Variants in SH3PXD2A observed in about 807,000 individuals in gnomAD.
SH3PXD2A encodes the protein SH3 and PX domains 2A, also known as SH3 and PX domain-containing protein 2A.
SH3PXD2A carries 32 observed loss-of-function variants against 115.2 expected under a neutral mutation model. The observed-to-expected ratio is 0.28, with a 90% CI of 0.21 to 0.37. The LOEUF is 0.37. Among genes scored for constraint, SH3PXD2A ranks in the 10% least tolerant of loss-of-function variants. SH3PXD2A has a pLI of 1.00. For synonymous variants in SH3PXD2A, 610 were observed against 629.1 expected, an observed-to-expected ratio of 0.97 and a Z score of 0.45; for missense variants, 1,328 against 1,498.7, an observed-to-expected ratio of 0.89 and a Z score of 1.88.
At chr10:103,722,438 G>A (rs530070087) in intron 5 of SH3PXD2A, among the ~76,000 whole-genome samples, 2 of 151,846 alleles carry the variant, frequency 1.3e-5, no homozygotes, top group African/African-American at 2.4e-5. Context: ...CCTATTTCTC[G>A]CTATTCTTTC....
At chr10:103,814,535 G>A (rs1472292271) in intron 1 of SH3PXD2A, among the ~76,000 whole-genome samples, 1 of 152,180 alleles carries the variant, frequency 6.6e-6, no homozygotes, top group Non-Finnish European at 1.5e-5. Context: ...AGTTGTCCAA[G>A]GATGGAAGGG....
intron 5 of SH3PXD2A, among the ~76,000 whole-genome samples, chr10:103,715,668 GCTGGTGAGCAGGGAAGC>G (rs1453774211): frequency 6.6e-6 from 1 of 152,288 alleles, no homozygotes; most frequent in Non-Finnish European, 1.5e-5. Flanking sequence ...CAGCAATGCT[GCTGGTGAGCAGGGAAGC>G]CTGGACTCTA....
chr10:103,692,167 C>A (rs1380323897), intron 6 of SH3PXD2A, among the ~76,000 whole-genome samples: 1 of 152,172 alleles, frequency 6.6e-6, no homozygotes, highest in East Asian at 1.9e-4. Flanking sequence ...CACTTCAGCA[C>A]ACACACAGCC....
chr10:103,608,447 A>AAG (rs1197933273), intron 13 of SH3PXD2A, among the ~76,000 whole-genome samples: 3 of 150,112 alleles, frequency 2.0e-5, no homozygotes, highest in African/African-American at 7.4e-5. Context: ...AAAAAAAAAA[A>AAG]AAAGAAAAAT....
At chr10:103,714,852 G>T (rs1232478035) in intron 5 of SH3PXD2A, among the ~76,000 whole-genome samples, 1 of 152,246 alleles carries the variant, frequency 6.6e-6, no homozygotes, top group Non-Finnish European at 1.5e-5. Context: ...CCATCTTGAT[G>T]ATAGGTGTCT....
intron 1 of SH3PXD2A, among the ~76,000 whole-genome samples, chr10:103,849,895 G>C (rs1450876424): frequency 1.3e-5 from 2 of 152,182 alleles, no homozygotes; most frequent in Admixed American, 6.5e-5. Flanking sequence ...CTCGAGAGGA[G>C]TAAGTGGGAC....
At chr10:103,781,322 AC>A in intron 2 of SH3PXD2A, among the ~76,000 whole-genome samples, 1 of 152,220 alleles carries the variant, frequency 6.6e-6, no homozygotes, top group Admixed American at 6.5e-5. Context: ...CTTTGGCATA[AC>A]CCACAGAATC....
intron 9 of SH3PXD2A, among the ~76,000 whole-genome samples, chr10:103,625,232 C>T (rs760881415): frequency 2.6e-5 from 4 of 152,256 alleles, no homozygotes; most frequent in Non-Finnish European, 4.4e-5. Context: ...GCCTTCTCCC[C>T]ACTCAGTGCC....
At chr10:103,807,196 C>G (rs761157339) in intron 1 of SH3PXD2A, among the ~76,000 whole-genome samples, 29 of 152,208 alleles carry the variant, frequency 1.9e-4, no homozygotes, top group Non-Finnish European at 3.8e-4. Context: ...TTGATCTGGT[C>G]TGGGACCAAT....
chr10:103,748,852 A>G (rs1345085945), intron 3 of SH3PXD2A, among the ~76,000 whole-genome samples: 1 of 152,204 alleles, frequency 6.6e-6, no homozygotes, highest in Non-Finnish European at 1.5e-5. Flanking sequence ...TTGCATATTC[A>G]GAAATGCCTG....
chr10:103,631,888 T>C (rs2036785430), intron 8 of SH3PXD2A, among the ~76,000 whole-genome samples: 1 of 151,800 alleles, frequency 6.6e-6, no homozygotes, highest in Non-Finnish European at 1.5e-5. Flanking sequence ...GAGGTCAAGG[T>C]GGGAGGACTG....
chr10:103,845,245 C>T (rs1168900196), intron 1 of SH3PXD2A, among the ~76,000 whole-genome samples: 2 of 145,966 alleles, frequency 1.4e-5, no homozygotes, highest in African/African-American at 5.1e-5. Context: ...GCACGAGAAT[C>T]ACTTGAACCC....
Position 103,601,616 on chromosome 10 carries a change from GGGCACCCCC to G in SH3PXD2A, c.*191_*199del. ...GTCCATTCCCTTCCTCACTCAGTGT[GGGCACCCCC>G]ATCCCCTACCTTCCAGCTGTGGGAT... On this transcript the variant is annotated 3_prime_UTR_variant, in exon 15 of 15. Transcript: ENST00000369774. 1 of 549,460 alleles carries G rather than the reference GGGCACCCCC, an allele frequency of 1.8e-6. No individual in the cohort carries two copies. The highest frequency in any genetic ancestry group is 2.3e-5 in the South Asian group (1 of 44,036). The allele number at this position is 549,460 out of a possible 1,614,324, so 34.0% of individuals were successfully genotyped here. A position where few individuals can be genotyped will look rare whatever the true frequency, so the allele number is the denominator to read the frequency against.
chr10:103,776,320 G>A (rs2038877281), intron 2 of SH3PXD2A, among the ~76,000 whole-genome samples: 1 of 151,398 alleles, frequency 6.6e-6, no homozygotes, highest in African/African-American at 2.4e-5. Context: ...TTGAGCCCAG[G>A]AGGTTGAGGC....
In SH3PXD2A at chr10:103,710,864, A is replaced by C. The variant is rs114113913; in HGVS notation, c.398+13406T>G. Reference sequence around the variant, plus strand: ...CAGCCTCAACAACATAGCAAGACCCAATGTCTACAAAAAATTTAAAAAATA... The same window carrying C: ...CAGCCTCAACAACATAGCAAGACCCCATGTCTACAAAAAATTTAAAAAATA... On this transcript the variant is annotated intron_variant, in intron 5 of 14. Coordinates refer to ENST00000369774, the MANE Select transcript of SH3PXD2A (RefSeq NM_001394015.1). Among the ~76,000 whole-genome samples the C allele has an allele frequency of 4.7e-3, 722 of 152,018 alleles. 6 individuals are homozygous for C. Among genetic ancestry groups the C allele is most frequent in the African/African-American group, 0.017 (700 of 41,424 alleles).
At chr10:103,641,374 G>A (rs2036953033) in intron 8 of SH3PXD2A, among the ~76,000 whole-genome samples, 1 of 152,142 alleles carries the variant, frequency 6.6e-6, no homozygotes. Flanking sequence ...ATGTCTTGGG[G>A]CAGAAGTCTG....
chr10:103,840,941 G>A (rs1174771966), intron 1 of SH3PXD2A, among the ~76,000 whole-genome samples: 3 of 152,228 alleles, frequency 2.0e-5, no homozygotes, highest in African/African-American at 7.2e-5. Flanking sequence ...AGCCTATGCT[G>A]TAGGTGAACT....
chr10:103,817,874 A>G (rs887201120), intron 1 of SH3PXD2A, among the ~76,000 whole-genome samples: 1 of 152,196 alleles, frequency 6.6e-6, no homozygotes, highest in Non-Finnish European at 1.5e-5. Context: ...GCAAACATAT[A>G]TAGGGAGAAA....
intron 14 of SH3PXD2A, among the ~76,000 whole-genome samples, chr10:103,605,116 G>A (rs1005665091): frequency 2.0e-5 from 3 of 152,216 alleles, no homozygotes; most frequent in Admixed American, 1.3e-4. Flanking sequence ...AGACATGCTG[G>A]GGGGTGGAGG....
Sources: gnomAD v4.1 joint callset for allele counts (sites outside exome capture counted in the v4.1 genomes callset) on GRCh38, gnomAD v4.1.1 for gene constraint, MANE v1.5 for transcripts, NCBI Gene and HGNC (gene_info 2026-07-23, HGNC 2026-07-21) for gene names.